Variants in GFPT1 observed in about 807,000 individuals in gnomAD.
GFPT1 encodes glutamine--fructose-6-phosphate transaminase 1.
In GFPT1, 40 loss-of-function variants were observed where a neutral mutation model predicts 92.0. The ratio of observed to expected loss-of-function variants is 0.43; its 90% CI spans 0.34 to 0.57. The LOEUF (loss-of-function observed/expected upper bound fraction) is 0.57, where lower values mean the gene tolerates loss of function less well. Among genes scored for constraint, GFPT1 ranks in the 20% least tolerant of loss-of-function variants. The pLI is 0.02. For missense variants in GFPT1, 448 were observed against 869.1 expected (o/e 0.52, Z 6.09); for synonymous variants, 269 against 280.6 (o/e 0.96, Z 0.41).
chr2:69,350,990 A>G (rs1671192142), intron 9 of GFPT1, among the ~76,000 whole-genome samples: 1 of 152,176 alleles, frequency 6.6e-6, no homozygotes, highest in African/African-American at 2.4e-5. Flanking sequence ...ACTAGATTTT[A>G]GCAGCAAGTC....
At chr2:69,365,471 CA>C (rs1186311918) in intron 3 of GFPT1, among the ~76,000 whole-genome samples, 4 of 152,270 alleles carry the variant, frequency 2.6e-5, no homozygotes, top group African/African-American at 9.6e-5. Context: ...GACTCCGTCT[CA>C]AAAATAAGTA....
chr2:69,366,673 C>G (rs2067910701), intron 3 of GFPT1, among the ~76,000 whole-genome samples: 1 of 152,190 alleles, frequency 6.6e-6, no homozygotes, highest in African/African-American at 2.4e-5. Flanking sequence ...CCTCAATTTC[C>G]ACTTTACTCA....
rs753100765 is a variant in GFPT1, at chr2:69,326,998, G to A, written c.1971C>T (p.His657=). Reference sequence around the variant, plus strand: ...GAATGCCCTGCAAGCAGTCCACTGAGTGGGGCACCTTGATCGTTCTTTTTG... The same window carrying A: ...GAATGCCCTGCAAGCAGTCCACTGAATGGGGCACCTTGATCGTTCTTTTTG... ...KNTKRTIKVP[H]SVDCLQGILS... The change falls in exon 19 of 20, where the codon CAC becomes CAT. Residue 657 remains histidine (H), a synonymous_variant. Coordinates refer to ENST00000357308, the MANE Select transcript of GFPT1 (RefSeq NM_001244710.2). 1.2e-6 allele frequency: 2 copies of A among 1,614,016 alleles called. No homozygotes were observed. The highest frequency in any genetic ancestry group is 1.7e-5 in the Admixed American group (1 of 60,008).
chr2:69,374,337 A>G (rs983880403), intron 1 of GFPT1, among the ~76,000 whole-genome samples: 5 of 149,156 alleles, frequency 3.4e-5, no homozygotes, highest in Non-Finnish European at 7.4e-5. Flanking sequence ...TTTTTGAGAC[A>G]GAGTCTCACT....
chr2:69,341,186 C>T (rs1388512972), intron 13 of GFPT1, among the ~76,000 whole-genome samples: 9 of 151,876 alleles, frequency 5.9e-5, no homozygotes, highest in African/African-American at 2.2e-4. Context: ...CTCCTAGGGT[C>T]AACTGATCCT....
At chr2:69,328,220 C>T (rs750604821) in intron 18 of GFPT1, 51 bp downstream of exon 18, 15 of 1,380,354 alleles carry the variant, frequency 1.1e-5, no homozygotes, top group East Asian at 4.6e-5. Flanking sequence ...AATAAGCTAG[C>T]GTAACTCCCC....
Position 69,348,327 on chromosome 2 carries a change from T to C in GFPT1, c.853A>G (p.Ile285Val). 1.2e-6 allele frequency: 2 copies of C among 1,610,984 alleles called. No individual in the cohort carries two copies. ...YYFASDASAVIEHTNRVIFLE... is the reference protein window; with the variant it reads ...YYFASDASAVVEHTNRVIFLE... The stretch of plus-strand genomic sequence containing the variant: ...AAGATGACGCGATTGGTGTGTTCTA[T>C]GACAGCACTATAAAGTTTTCAAGGA... The change falls in exon 11 of 20, where the codon ATA (isoleucine) becomes GTA (valine). Residue 285 changes from isoleucine (I) to valine (V), a missense_variant. By Grantham distance (29) the Ile-to-Val change is conservative (BLOSUM62 3). Coordinates refer to ENST00000357308, the MANE Select transcript of GFPT1 (RefSeq NM_001244710.2).
chr2:69,381,668 C>T (rs1672014102), intron 1 of GFPT1, among the ~76,000 whole-genome samples: 2 of 151,708 alleles, frequency 1.3e-5, no homozygotes, highest in Admixed American at 1.3e-4. Flanking sequence ...ATCCTCCCAC[C>T]TCAGTCTTCT....
intron 13 of GFPT1, among the ~76,000 whole-genome samples, chr2:69,341,508 T>C (rs928572873): frequency 2.0e-5 from 3 of 152,074 alleles, no homozygotes; most frequent in Non-Finnish European, 4.4e-5. Flanking sequence ...AAAGCAGAAA[T>C]TGAATGTAAA....
intron 6 of GFPT1, among the ~76,000 whole-genome samples, chr2:69,358,067 T>C (rs980721624): frequency 3.3e-5 from 5 of 152,218 alleles, no homozygotes; most frequent in African/African-American, 1.2e-4. Context: ...CATATATGCA[T>C]AGTTTTTAGA....
chr2:69,326,857 CA>C (rs1670543785), intron 19 of GFPT1, 56 bp downstream of exon 19: 1 of 1,520,284 alleles, frequency 6.6e-7, no homozygotes, highest in Non-Finnish European at 9.1e-7. Context: ...AGAAAAAAAT[CA>C]GAATGTATCC....
chr2:69,329,869 A>C lies in GFPT1; in HGVS notation c.1483-71T>G, dbSNP rs968335577. On this transcript the variant is annotated intron_variant, in intron 15 of 19. Coordinates refer to ENST00000357308, the MANE Select transcript of GFPT1 (RefSeq NM_001244710.2). ...GAAGAATTTAGAACTTTTAATTTTA[A>C]AAAGCTGAAAATAAAATTCCCATTG... 21 of 846,652 alleles carry C rather than the reference A, an allele frequency of 2.5e-5. No individual in the cohort carries two copies. The Admixed American group carries it at 3.7e-4, about 15-fold the overall frequency. The allele number at this position is 846,652 out of a possible 1,614,324, so 52.4% of individuals were successfully genotyped here.
chr2:69,368,370 A>G (rs1402294746), intron 3 of GFPT1, among the ~76,000 whole-genome samples: 1 of 152,222 alleles, frequency 6.6e-6, no homozygotes, highest in African/African-American at 2.4e-5. Flanking sequence ...CAACAGACCA[A>G]GAGTCCATCT....
At chr2:69,335,292 C>A (rs1461808310) in intron 15 of GFPT1, among the ~76,000 whole-genome samples, 1 of 152,144 alleles carries the variant, frequency 6.6e-6, no homozygotes, top group African/African-American at 2.4e-5. Flanking sequence ...CAGTTGTGAG[C>A]CACTGCACCC....
intron 3 of GFPT1, among the ~76,000 whole-genome samples, chr2:69,368,254 G>C (rs901008496): frequency 8.5e-5 from 13 of 152,138 alleles, no homozygotes; most frequent in African/African-American, 2.9e-4. Context: ...GTTGTGGCGG[G>C]CGCCTGTGGT....
In GFPT1 at chr2:69,322,207, G is replaced by A. The variant is rs76123649; in HGVS notation, c.*3982C>T. 1 of 152,132 alleles carries A rather than the reference G, an allele frequency of 6.6e-6. No homozygotes were observed. Among genetic ancestry groups the A allele is most frequent in the African/African-American group, 2.4e-5 (1 of 41,434 alleles). 9.4% of individuals were successfully genotyped at this position (152,132 alleles called of 1,614,324 possible). On this transcript the variant is annotated 3_prime_UTR_variant, in exon 20 of 20. Transcript: ENST00000357308. ...TGTACACAAAATTTACTAAATATGT[G>A]AATATCATAAAATGAAAATATCACT...
intron 1 of GFPT1, among the ~76,000 whole-genome samples, chr2:69,376,119 A>C (rs992558260): frequency 4.6e-5 from 7 of 152,262 alleles, no homozygotes; most frequent in African/African-American, 1.7e-4. Context: ...GATCTTTGAG[A>C]AAGATTAAAC....
At chr2:69,356,866 T>C (rs1165977444) in intron 6 of GFPT1, among the ~76,000 whole-genome samples, 1 of 151,860 alleles carries the variant, frequency 6.6e-6, no homozygotes, top group African/African-American at 2.4e-5. Flanking sequence ...GCCTCCCGAG[T>C]AGCTGGGATT....
intron 4 of GFPT1, among the ~76,000 whole-genome samples, chr2:69,360,119 G>C (rs982062289): frequency 3.0e-4 from 45 of 152,114 alleles, no homozygotes; most frequent in Admixed American, 2.0e-4. Context: ...CCTGAGGTCA[G>C]GAGTTTGAGA....
Sources: allele counts gnomAD v4.1 joint callset (sites outside exome capture counted in the v4.1 genomes callset), GRCh38; gene constraint gnomAD v4.1.1; transcripts MANE v1.5; gene names NCBI Gene and HGNC (gene_info 2026-07-23, HGNC 2026-07-21).